WDR7: variants seen among roughly 807,000 people sequenced by gnomAD.
The protein encoded by WDR7 is WD repeat-containing protein 7.
WDR7 carries 46 observed loss-of-function variants against 169.4 expected under a neutral mutation model. The ratio of observed to expected loss-of-function variants is 0.27; its 90% CI spans 0.21 to 0.35. WDR7 has a LOEUF of 0.35. Ranked by LOEUF, WDR7 falls within the 10% of genes least tolerant of loss-of-function variation. The pLI, the probability that WDR7 is intolerant of heterozygous loss-of-function variation, is 1.00. For synonymous variants in WDR7, 612 were observed against 666.8 expected (o/e 0.92, Z 1.27); for missense variants, 1,534 against 1,859.3 (o/e 0.83, Z 3.22).
rs540970225 is a variant in WDR7, at chr18:56,995,820, G to A, written c.4165-24925G>A. Reference sequence around the variant, plus strand: ...TCCCAGCGTCAGCTCTCTGAGCTTGGTGTGATGTGTGCATGTCCGTGGGTT... The same window carrying A: ...TCCCAGCGTCAGCTCTCTGAGCTTGATGTGATGTGTGCATGTCCGTGGGTT... On this transcript the variant is annotated intron_variant, in intron 26 of 27. Coordinates refer to ENST00000254442, the MANE Select transcript of WDR7 (RefSeq NM_015285.3). Among the ~76,000 whole-genome samples, 55 of 152,270 alleles carry A rather than the reference G, an allele frequency of 3.6e-4. 1 individual carries two copies. Among genetic ancestry groups the A allele is most frequent in the African/African-American group, 1.3e-3 (53 of 41,558 alleles).
chr18:56,945,338 G>T (rs143596545), intron 25 of WDR7, among the ~76,000 whole-genome samples: 244 of 152,252 alleles, frequency 1.6e-3, no homozygotes, highest in African/African-American at 5.6e-3. Flanking sequence ...TATGCAATTC[G>T]TGTCCAACTC....
At chr18:56,847,326 AGT>A (rs1296583741) in intron 20 of WDR7, among the ~76,000 whole-genome samples, 3 of 152,194 alleles carry the variant, frequency 2.0e-5, no homozygotes, top group Non-Finnish European at 4.4e-5. Flanking sequence ...ACATTCAAAT[AGT>A]GGCCTGGCTG....
intron 26 of WDR7, among the ~76,000 whole-genome samples, chr18:56,994,477 A>G (rs1047115756): frequency 5.9e-5 from 9 of 152,234 alleles, no homozygotes; most frequent in African/African-American, 2.2e-4. Context: ...AATTTTTACC[A>G]TTAAATGTGC....
chr18:56,702,168 C>T (rs917199147), intron 12 of WDR7, among the ~76,000 whole-genome samples: 4 of 152,132 alleles, frequency 2.6e-5, no homozygotes, highest in African/African-American at 7.2e-5. Context: ...CTTCCTCCAA[C>T]GCTCCATCAT....
At chr18:56,948,294 A>G (rs964913044) in intron 25 of WDR7, among the ~76,000 whole-genome samples, 1 of 152,276 alleles carries the variant, frequency 6.6e-6, no homozygotes, top group South Asian at 2.1e-4. Flanking sequence ...CAGCATTCCC[A>G]GATAGGTCCT....
intron 15 of WDR7, among the ~76,000 whole-genome samples, chr18:56,757,644 C>T (rs2430893): frequency 0.62 from 94,683 of 151,898 alleles, 29,623 homozygotes; most frequent in African/African-American, 0.66. Flanking sequence ...AAATTGTATA[C>T]GTACTTGAAG....
Position 56,883,127 on chromosome 18 carries a change from G to A in WDR7, c.3526+2962G>A, listed in dbSNP as rs1408067261. Among the ~76,000 whole-genome samples, 4 of 151,216 alleles carry A rather than the reference G, an allele frequency of 2.6e-5. No homozygotes were observed. The South Asian group carries it at 6.3e-4, about 24-fold the overall frequency. ...CGGGAGGCTGAGGCAGGAGAATGGC[G>A]TGAACCTGGGAGGTGGAGCTTGCAG... On this transcript the variant is annotated intron_variant, in intron 21 of 27. Coordinates refer to ENST00000254442, the MANE Select transcript of WDR7 (RefSeq NM_015285.3).
intron 16 of WDR7, among the ~76,000 whole-genome samples, chr18:56,774,013 A>G (rs896448436): frequency 2.0e-5 from 3 of 152,090 alleles, no homozygotes; most frequent in African/African-American, 7.2e-5. Flanking sequence ...AAGCTTTGAA[A>G]AAAACTTACT....
downstream of WDR7, chr18:57,030,524 C>T (rs2048435196): frequency 6.6e-6 from 1 of 152,150 alleles, no homozygotes. Context: ...ATCACATAAA[C>T]TGATCAAATG....
At chr18:56,909,005 C>G (rs2145592934) in intron 21 of WDR7, among the ~76,000 whole-genome samples, 1 of 152,254 alleles carries the variant, frequency 6.6e-6, no homozygotes, top group African/African-American at 2.4e-5. Context: ...TACATATGTA[C>G]AGGAGTATGG....
At chr18:57,017,583 C>T (rs2048226328) in intron 26 of WDR7, among the ~76,000 whole-genome samples, 1 of 151,664 alleles carries the variant, frequency 6.6e-6, no homozygotes, top group Non-Finnish European at 1.5e-5. Context: ...AAGTTAAACT[C>T]AGTATATGAC....
At chr18:56,803,741 TACCAC>T (rs772121883) in intron 19 of WDR7, among the ~76,000 whole-genome samples, 24 of 152,208 alleles carry the variant, frequency 1.6e-4, no homozygotes, top group Non-Finnish European at 3.2e-4. Context: ...ATTGAGCACT[TACCAC>T]ATCTCAGGCA....
At chr18:56,898,828 A>G (rs1029607173) in intron 21 of WDR7, among the ~76,000 whole-genome samples, 7 of 152,054 alleles carry the variant, frequency 4.6e-5, no homozygotes, top group Admixed American at 4.6e-4. Context: ...CCAGGTCTGT[A>G]GGCTAGTGAG....
chr18:57,004,727 A>G (rs1236806060), intron 26 of WDR7, among the ~76,000 whole-genome samples: 1 of 152,184 alleles, frequency 6.6e-6, no homozygotes, highest in Non-Finnish European at 1.5e-5. Flanking sequence ...TTAAAGTTAT[A>G]TTAGTTATCA....
intron 14 of WDR7, among the ~76,000 whole-genome samples, chr18:56,747,893 G>A (rs1159376369): frequency 6.6e-6 from 1 of 152,184 alleles, no homozygotes; most frequent in African/African-American, 2.4e-5. Context: ...AGGTTGATTA[G>A]GGCAGTTTTT....
chr18:56,990,390 G>A (rs2145855448), intron 26 of WDR7, among the ~76,000 whole-genome samples: 1 of 152,296 alleles, frequency 6.6e-6, no homozygotes. Context: ...AGCCTAGTGA[G>A]AGCCACCTCA....
At chr18:56,917,064 G>A (rs1339107023) in intron 21 of WDR7, among the ~76,000 whole-genome samples, 3 of 152,156 alleles carry the variant, frequency 2.0e-5, no homozygotes, top group African/African-American at 7.2e-5. Flanking sequence ...AGGCATGGTG[G>A]TGCATGCCTG....
At chr18:56,912,248 T>C (rs1397678091) in intron 21 of WDR7, among the ~76,000 whole-genome samples, 1 of 152,164 alleles carries the variant, frequency 6.6e-6, no homozygotes, top group Non-Finnish European at 1.5e-5. Flanking sequence ...ATAGAAGCAA[T>C]GGATAGAACA....
chr18:56,908,015 A>G (rs188998401), intron 21 of WDR7, among the ~76,000 whole-genome samples: 4 of 152,226 alleles, frequency 2.6e-5, no homozygotes, highest in African/African-American at 9.6e-5. Flanking sequence ...GTGGGAGTGT[A>G]TTCTCTTTTC....
Sources: gnomAD v4.1 joint callset for allele counts (sites outside exome capture counted in the v4.1 genomes callset) on GRCh38, gnomAD v4.1.1 for gene constraint, MANE v1.5 for transcripts, NCBI Gene and HGNC (gene_info 2026-07-23, HGNC 2026-07-21) for gene names.